NDUFA10: variants seen among roughly 807,000 people sequenced by gnomAD.
The protein encoded by NDUFA10 is NADH:ubiquinone oxidoreductase subunit A10, also known as NADH dehydrogenase [ubiquinone] 1 alpha subcomplex subunit 10, mitochondrial.
In NDUFA10, 40 loss-of-function variants were observed where a neutral mutation model predicts 47.8. The ratio of observed to expected loss-of-function variants is 0.84; its 90% CI spans 0.65 to 1.09. NDUFA10 has a LOEUF of 1.09. Ranked by LOEUF, NDUFA10 falls within the 50% of genes least tolerant of loss-of-function variation. NDUFA10 has a pLI of 0.00. For missense variants in NDUFA10, 413 were observed against 451.1 expected (o/e 0.92, Z 0.76); for synonymous variants, 183 against 172.2 (o/e 1.06, Z -0.49).
chr2:240,009,953 G>A (rs1207769083), intron 6 of NDUFA10, among the ~76,000 whole-genome samples: 2 of 152,064 alleles, frequency 1.3e-5, no homozygotes, highest in Admixed American at 1.3e-4. Context: ...AAATGCTAAT[G>A]GCCAATAAAT....
downstream of NDUFA10, among the ~76,000 whole-genome samples, chr2:239,955,201 G>C (rs913098529): frequency 3.3e-5 from 5 of 152,084 alleles, no homozygotes; most frequent in African/African-American, 1.2e-4. Context: ...TCAAGGTGAG[G>C]GTGTCTAAGT....
At chr2:239,982,744 T>G (rs939469204) in intron 9 of NDUFA10, among the ~76,000 whole-genome samples, 3 of 152,212 alleles carry the variant, frequency 2.0e-5, no homozygotes, top group Admixed American at 2.0e-4. Flanking sequence ...TCATGAACAT[T>G]TGCCTTCCTA....
intron 9 of NDUFA10, chr2:239,983,701 A>C: frequency 6.4e-7 from 1 of 1,571,474 alleles, no homozygotes; most frequent in South Asian, 1.2e-5. Context: ...CCCAAAACAC[A>C]CAGTCCAATC....
downstream of NDUFA10, among the ~76,000 whole-genome samples, chr2:239,956,348 C>G (rs1185069639): frequency 6.6e-6 from 1 of 152,198 alleles, no homozygotes; most frequent in Non-Finnish European, 1.5e-5. Flanking sequence ...AGGCCATGAC[C>G]AGCACAGCAG....
chr2:239,973,252 A>G (rs927029049), intron 9 of NDUFA10, among the ~76,000 whole-genome samples: 3 of 152,312 alleles, frequency 2.0e-5, no homozygotes. Context: ...ACACAACTAG[A>G]TACCAAACTG....
chr2:239,971,674 C>T (rs921252910), intron 9 of NDUFA10, among the ~76,000 whole-genome samples: 4 of 152,194 alleles, frequency 2.6e-5, no homozygotes, highest in African/African-American at 7.2e-5. Flanking sequence ...CCTACGGTCA[C>T]GTGGCTAGCT....
At position 239,959,336 on chromosome 2, in the gene NDUFA10, G is replaced by T. The variant is rs1559316854; in HGVS notation, c.*1782C>A. ...CCTCTCACTGCTGAGGACACTACCC[G>T]TGCAACCACCAAGGTTGAAGGAAAC... On this transcript the variant is annotated 3_prime_UTR_variant, in exon 10 of 10. Transcript: ENST00000252711. The T allele has an allele frequency of 1.0e-6, 1 of 985,392 alleles. No homozygotes were observed. Among genetic ancestry groups the T allele is most frequent in the East Asian group, 1.1e-4 (1 of 8,808 alleles). The allele number at this position is 985,392 out of a possible 1,614,324, so 61.0% of individuals were successfully genotyped here.
downstream of NDUFA10, among the ~76,000 whole-genome samples, chr2:239,955,522 C>T (rs2106386796): frequency 6.6e-6 from 1 of 152,296 alleles, no homozygotes; most frequent in Admixed American, 6.5e-5. Flanking sequence ...AGACCCACTC[C>T]CCATCTTCCT....
At chr2:239,931,110 A>G (rs1382964888) in intron 4 of NDUFA10, among the ~76,000 whole-genome samples, 1 of 152,170 alleles carries the variant, frequency 6.6e-6, no homozygotes, top group Non-Finnish European at 1.5e-5. Context: ...TTCTGGTCCC[A>G]TTGGCTTTTC....
At chr2:239,947,591 C>T (rs1357532690) in intron 4 of NDUFA10, among the ~76,000 whole-genome samples, 1 of 152,196 alleles carries the variant, frequency 6.6e-6, no homozygotes, top group African/African-American at 2.4e-5. Flanking sequence ...AGGCCCAGAG[C>T]AAGCCCCGCC....
Position 240,014,777 on chromosome 2 carries a change from C to T in NDUFA10, c.631G>A (p.Val211Ile), listed in dbSNP as rs761149153. The change falls in exon 5 of 10, where the codon GTT (valine) becomes ATT (isoleucine). Residue 211 changes from valine to isoleucine, a missense_variant. Physicochemically the swap from Val to Ile is conservative, Grantham distance 29. Coordinates refer to ENST00000252711, the MANE Select transcript of NDUFA10 (RefSeq NM_004544.4). ...TGAATCCGCCTCTGGACCTCTGGAA[C>T]GGGCACATCGATGTAAATCACCAGG... ...PHLVIYIDVP[V>I]PEVQRRIQKK... 8.7e-5 allele frequency: 140 copies of T among 1,614,080 alleles called. No homozygotes were observed. The East Asian group carries it at 1.9e-3, about 22-fold the overall frequency.
intron 4 of NDUFA10, among the ~76,000 whole-genome samples, chr2:239,948,827 C>T (rs1292827816): frequency 6.6e-6 from 1 of 152,238 alleles, no homozygotes; most frequent in East Asian, 1.9e-4. Flanking sequence ...CTCGAGCCAT[C>T]CTGGCCTAGG....
chr2:240,017,768 G>C, intron 4 of NDUFA10: 2 of 1,468,558 alleles, frequency 1.4e-6, no homozygotes, highest in Non-Finnish European at 1.9e-6. Flanking sequence ...GCAACACCAG[G>C]ACACACAAGC....
At chr2:240,012,952 A>C (rs979808131) in intron 5 of NDUFA10, 5 of 152,260 alleles carry the variant, frequency 3.3e-5, no homozygotes, top group Non-Finnish European at 5.9e-5. Flanking sequence ...TGAAATCAAC[A>C]AAAGTATAAA....
intron 4 of NDUFA10, among the ~76,000 whole-genome samples, chr2:239,909,763 C>G (rs1252398759): frequency 6.6e-6 from 1 of 151,536 alleles, no homozygotes; most frequent in Non-Finnish European, 1.5e-5. Context: ...TCTAAGTAAA[C>G]TAAAGAGCTT....
At chr2:239,975,617 C>T (rs1317244862) in intron 9 of NDUFA10, among the ~76,000 whole-genome samples, 1 of 152,196 alleles carries the variant, frequency 6.6e-6, no homozygotes, top group Non-Finnish European at 1.5e-5. Flanking sequence ...AGAAGGTGCT[C>T]GGGGTGACCT....
chr2:239,989,592 T>C (rs1424512237), intron 9 of NDUFA10, among the ~76,000 whole-genome samples: 1 of 152,168 alleles, frequency 6.6e-6, no homozygotes, highest in Non-Finnish European at 1.5e-5. Context: ...ACTAAGAAGG[T>C]ATGGCAATTG....
chr2:239,913,082 G>A (rs1464862927), intron 4 of NDUFA10, among the ~76,000 whole-genome samples: 2 of 152,336 alleles, frequency 1.3e-5, no homozygotes, highest in African/African-American at 4.8e-5. Context: ...TGCTGAGTGG[G>A]GCTGTAGGAT....
chr2:239,978,386 C>A (rs771667780), intron 9 of NDUFA10, among the ~76,000 whole-genome samples: 1 of 152,158 alleles, frequency 6.6e-6, no homozygotes, highest in Non-Finnish European at 1.5e-5. Context: ...GACCTTCCTG[C>A]GGCCTCTGAC....
Sources: allele counts gnomAD v4.1 joint callset (sites outside exome capture counted in the v4.1 genomes callset), GRCh38; gene constraint gnomAD v4.1.1; transcripts MANE v1.5; gene names NCBI Gene and HGNC (gene_info 2026-07-23, HGNC 2026-07-21).